RBPJ: variants seen among roughly 807,000 people sequenced by gnomAD.
RBPJ encodes recombining binding protein suppressor of hairless.
RBPJ carries 9 observed loss-of-function variants against 67.8 expected under a neutral mutation model. The ratio of observed to expected loss-of-function variants is 0.13; its 90% CI spans 0.08 to 0.23. The LOEUF (loss-of-function observed/expected upper bound fraction) is 0.23. RBPJ is among the 10% of genes least tolerant of loss of function. The pLI is 1.00. For missense variants in RBPJ, 305 were observed against 595.6 expected (o/e 0.51, Z 5.08); for synonymous variants, 198 against 203.3 (o/e 0.97, Z 0.22).
At chr4:26,146,746 C>T in the RBPJ span, among the ~76,000 whole-genome samples, 1 of 152,190 alleles carries the variant, frequency 6.6e-6, no homozygotes, top group Non-Finnish European at 1.5e-5. Context: ...GAAAAGCAAA[C>T]TACTGTGATA....
chr4:26,271,329 G>T (rs1428645532), intron 1 of RBPJ, among the ~76,000 whole-genome samples: 1 of 152,196 alleles, frequency 6.6e-6, no homozygotes, highest in Non-Finnish European at 1.5e-5. Context: ...CCATAGATAA[G>T]GAGGGGACTA....
chr4:26,189,253 C>T (rs899690212), intron 1 of RBPJ, among the ~76,000 whole-genome samples: 2 of 152,102 alleles, frequency 1.3e-5, no homozygotes, highest in Non-Finnish European at 2.9e-5. Flanking sequence ...TTTATTAGCC[C>T]TCATGCTCAA....
chr4:26,213,379 G>A (rs1718505489), intron 1 of RBPJ, among the ~76,000 whole-genome samples: 1 of 152,168 alleles, frequency 6.6e-6, no homozygotes, highest in Admixed American at 6.5e-5. Context: ...GAAAAAAACT[G>A]TTGTTTGGGT....
intron 1 of RBPJ, among the ~76,000 whole-genome samples, chr4:26,214,527 AGGAGGAAG>A (rs1314240713): frequency 1.1e-4 from 3 of 27,606 alleles, no homozygotes; most frequent in Admixed American, 6.0e-4. Flanking sequence ...GAGGGAGGGA[AGGAGGAAG>A]GGAGGGAGGG....
intron 1 of RBPJ, among the ~76,000 whole-genome samples, chr4:26,223,312 G>T (rs1440883808): frequency 6.6e-6 from 1 of 152,124 alleles, no homozygotes; most frequent in Non-Finnish European, 1.5e-5. Flanking sequence ...TGACACTGAG[G>T]TGTATCACAG....
At chr4:26,268,926 A>G (rs1720791223) in intron 1 of RBPJ, among the ~76,000 whole-genome samples, 1 of 152,204 alleles carries the variant, frequency 6.6e-6, no homozygotes, top group Non-Finnish European at 1.5e-5. Context: ...TACTCCCTGG[A>G]TATTTGGAAT....
chr4:26,281,259 C>A (rs184625724), intron 1 of RBPJ, among the ~76,000 whole-genome samples: 4 of 151,960 alleles, frequency 2.6e-5, no homozygotes, highest in Non-Finnish European at 5.9e-5. Flanking sequence ...GTTTGAGAAT[C>A]CCTCTGCAGT....
At chr4:26,251,055 CT>C (rs970130247) in intron 1 of RBPJ, among the ~76,000 whole-genome samples, 2 of 152,180 alleles carry the variant, frequency 1.3e-5, no homozygotes, top group African/African-American at 4.8e-5. Context: ...AAATTGTGTG[CT>C]TTCATTTTTG....
At chr4:26,184,488 A>G (rs1241793020) in intron 1 of RBPJ, among the ~76,000 whole-genome samples, 1 of 152,154 alleles carries the variant, frequency 6.6e-6, no homozygotes, top group South Asian at 2.1e-4. Flanking sequence ...GCTATCACGG[A>G]GGGTGGTCAG....
intron 1 of RBPJ, among the ~76,000 whole-genome samples, chr4:26,214,746 G>T (rs1718590370): frequency 1.5e-5 from 1 of 64,938 alleles, no homozygotes; most frequent in Non-Finnish European, 2.8e-5. Context: ...AAGAGAGAGA[G>T]AAAGAGAAAA....
the RBPJ span, among the ~76,000 whole-genome samples, chr4:26,109,579 C>CTCTCTCTA: frequency 2.4e-3 from 70 of 29,390 alleles, 16 homozygotes; most frequent in Middle Eastern, 0.045. Flanking sequence ...CTCTCTCTCT[C>CTCTCTCTA]TATATATATA....
chr4:26,272,218 T>C (rs1720938698), intron 1 of RBPJ, among the ~76,000 whole-genome samples: 1 of 152,170 alleles, frequency 6.6e-6, no homozygotes, highest in Non-Finnish European at 1.5e-5. Context: ...ATCTTCTAGA[T>C]AAAACTGAGA....
intron 1 of RBPJ, among the ~76,000 whole-genome samples, chr4:26,182,643 CCCA>C (rs916838428): frequency 6.6e-5 from 10 of 151,372 alleles, no homozygotes; most frequent in Admixed American, 4.6e-4. Flanking sequence ...ACAGGCATGC[CCCA>C]CCACATCTGG....
intron 1 of RBPJ, among the ~76,000 whole-genome samples, chr4:26,184,603 A>G (rs181328870): frequency 1.3e-5 from 2 of 152,122 alleles, no homozygotes; most frequent in Non-Finnish European, 2.9e-5. Context: ...CCTCAGGACC[A>G]GTCAAGCAGA....
chr4:26,241,625 C>T (rs1719639616), intron 1 of RBPJ, among the ~76,000 whole-genome samples: 1 of 152,108 alleles, frequency 6.6e-6, no homozygotes, highest in South Asian at 2.1e-4. Context: ...CATTCTCCTG[C>T]CTCAGCCTCC....
At chr4:26,198,533 C>T (rs573957493) in intron 1 of RBPJ, among the ~76,000 whole-genome samples, 29 of 152,246 alleles carry the variant, frequency 1.9e-4, no homozygotes, top group African/African-American at 6.7e-4. Flanking sequence ...ATAATGATAA[C>T]AGGTAGCATT....
At chr4:26,258,001 T>C (rs1720399578) in intron 1 of RBPJ, among the ~76,000 whole-genome samples, 1 of 152,338 alleles carries the variant, frequency 6.6e-6, no homozygotes, top group Middle Eastern at 3.4e-3. Context: ...TAAATTACTA[T>C]GTGAGTTAGA....
At chr4:26,303,670 G>A (rs1025724768) in intron 1 of RBPJ, among the ~76,000 whole-genome samples, 1 of 151,696 alleles carries the variant, frequency 6.6e-6, no homozygotes, top group Non-Finnish European at 1.5e-5. Flanking sequence ...TAGGCTGGGC[G>A]TGGTGGCTCA....
At chr4:26,310,404 G>T (rs1447909285) in intron 1 of RBPJ, among the ~76,000 whole-genome samples, 1 of 152,164 alleles carries the variant, frequency 6.6e-6, no homozygotes. Context: ...AGAGTGAGCG[G>T]CTCCTAGTTT....
Sources: allele counts gnomAD v4.1 joint callset (sites outside exome capture counted in the v4.1 genomes callset), GRCh38; gene constraint gnomAD v4.1.1; transcripts MANE v1.5; gene names NCBI Gene and HGNC (gene_info 2026-07-23, HGNC 2026-07-21).